Variants in HJV observed in about 807,000 individuals in gnomAD.
The protein encoded by HJV is hemojuvelin.
In HJV, 18 loss-of-function variants were observed where a neutral mutation model predicts 22.7. The ratio of observed to expected loss-of-function variants is 0.79; its 90% CI spans 0.55 to 1.18. The LOEUF is 1.18. Ranked by LOEUF, HJV falls within the 50% of genes most tolerant of loss-of-function variation. The pLI is 0.00. For missense variants in HJV, 572 were observed against 553.0 expected (o/e 1.03, Z -0.34); for synonymous variants, 229 against 222.7 (o/e 1.03, Z -0.25).
Position 146,019,267 on chromosome 1 carries a change from C to T in HJV, c.565G>A (p.Gly189Arg). The T allele has an allele frequency of 6.2e-7, 1 of 1,613,992 alleles. No individual in the cohort carries two copies. Among genetic ancestry groups the T allele is most frequent in the Non-Finnish European group, 8.5e-7 (1 of 1,180,048 alleles). ...TCATTATCCAGTAGAGGCCAAGCTC[C>T]TTGGACACGGCATGTGTGAAAGTGA... ...HHHFHTCRVQ[G>R]AWPLLDNDFL... Residue 189 changes from glycine (G) to arginine (R), a missense_variant, in exon 3 of 4, where the codon GGA becomes AGA. Coordinates refer to ENST00000336751, the MANE Select transcript of HJV (RefSeq NM_213653.4).
chr1:146,018,748 T>TC, intron 3 of HJV, 48 bp from the exon 4 acceptor site: 31 of 1,594,922 alleles, frequency 1.9e-5, no homozygotes, highest in Non-Finnish European at 2.7e-5. Flanking sequence ...CAGTGCATCT[T>TC]CCCCCCAATC....
chr1:146,019,244 A>G lies in HJV; in HGVS notation c.588T>C (p.Asn196=), dbSNP rs1020058448. ...RVQGAWPLLD[N]DFLFVQATSS... ...TGGTGGCTTGGACAAAGAGGAAGTC[A>G]TTATCCAGTAGAGGCCAAGCTCCTT... is the stretch of plus-strand genomic sequence containing the variant. Residue 196 remains asparagine (N), a synonymous_variant, in exon 3 of 4, where the codon AAT becomes AAC. Coordinates refer to ENST00000336751, the MANE Select transcript of HJV (RefSeq NM_213653.4). 6.2e-7 allele frequency: 1 copy of G among 1,614,070 alleles called. No individual in the cohort carries two copies. The highest frequency in any genetic ancestry group is 8.5e-7 in the Non-Finnish European group (1 of 1,180,032).
At position 146,018,661 on chromosome 1, in the gene HJV, G is replaced by A; in HGVS notation, c.697C>T (p.Gln233Ter). The A allele has an allele frequency of 6.2e-7, 1 of 1,614,112 alleles. No homozygotes were observed. Residue 233 changes from glutamine to a stop codon, truncating the protein, a stop_gained, in exon 4 of 4, where the codon CAG becomes TAG. Coordinates refer to ENST00000336751, the MANE Select transcript of HJV (RefSeq NM_213653.4). LOFTEE classifies it high-confidence loss of function. ...TCCACCTCAGCCTGATACACCTTCTGATCAATGCATTCCTGCATGTTCTTA... is the reference window on the plus strand; with the variant it reads ...TCCACCTCAGCCTGATACACCTTCTAATCAATGCATTCCTGCATGTTCTTA... ...IFKNMQECID[Q>*]KVYQAEVDNL...
At position 146,020,255 on chromosome 1, in the gene HJV, G is replaced by C. The variant is rs1553769912; in HGVS notation, c.-24C>G. The C allele has an allele frequency of 6.6e-7, 1 of 1,504,170 alleles. No individual in the cohort carries two copies. Among genetic ancestry groups the C allele is most frequent in the Admixed American group, 1.7e-5 (1 of 59,876 alleles). 93.2% of individuals were successfully genotyped at this position (1,504,170 alleles called of 1,614,324 possible). A position where few individuals can be genotyped will look rare whatever the true frequency, so the allele number is the denominator to read the frequency against. On this transcript the variant is annotated 5_prime_UTR_variant, in exon 2 of 4. Coordinates refer to ENST00000336751, the MANE Select transcript of HJV (RefSeq NM_213653.4). ...ATACCTATCCAGCCAGGTTTCCCAGGCGCCGGTTCTTCCCAGCTGATGACC... is the reference window on the plus strand; with the variant it reads ...ATACCTATCCAGCCAGGTTTCCCAGCCGCCGGTTCTTCCCAGCTGATGACC...
chr1:146,021,616 A>C lies in HJV; in HGVS notation c.-119T>G, dbSNP rs1652744436. ...TCCAGAGGTCAAACATTACTCTGCT[A>C]TCCAATTCTCCAGCCATGATTCCCT... On this transcript the variant is annotated 5_prime_UTR_variant, in exon 1 of 4. Coordinates refer to ENST00000336751, the MANE Select transcript of HJV (RefSeq NM_213653.4). 6.6e-6 allele frequency: 1 copy of C among 152,654 alleles called. No homozygotes were observed. Among genetic ancestry groups the C allele is most frequent in the Admixed American group, 6.5e-5 (1 of 15,278 alleles). The allele number at this position is 152,654 out of a possible 1,614,324, so 9.5% of individuals were successfully genotyped here.
At position 146,017,795 on chromosome 1, in the gene HJV, G is replaced by A. The variant is rs1553769279; in HGVS notation, c.*282C>T. The A allele has an allele frequency of 2.2e-4, 94 of 423,036 alleles. No homozygotes were observed. Among genetic ancestry groups the A allele is most frequent in the Non-Finnish European group, 8.9e-6 (2 of 223,566 alleles). The allele number at this position is 423,036 out of a possible 1,614,324, so 26.2% of individuals were successfully genotyped here. ...ACCTTCATGACCTCTAAACTTATAA[G>A]GGTGAAATCTGCAGTAAATGGATTA... is the stretch of plus-strand genomic sequence containing the variant. On this transcript the variant is annotated 3_prime_UTR_variant, in exon 4 of 4. Coordinates refer to ENST00000336751, the MANE Select transcript of HJV (RefSeq NM_213653.4).
Position 146,018,225 on chromosome 1 carries a change from T to C in HJV, c.1133A>G (p.Gln378Arg). Residue 378 changes from glutamine (Q) to arginine (R), a missense_variant, in exon 4 of 4, where the codon CAG becomes CGG. By Grantham distance (43) the Gln-to-Arg change is conservative. Transcript: ENST00000336751. ...SGDPNFTVAA[Q>R]AALEDARAFL... ...GGCTCGGGCATCCTCCAGTGCTGCCTGAGCTGCCACGGTAAAGTTGGGATC... is the reference window on the plus strand; with the variant it reads ...GGCTCGGGCATCCTCCAGTGCTGCCCGAGCTGCCACGGTAAAGTTGGGATC... 3 of 1,614,154 alleles carry C rather than the reference T, an allele frequency of 1.9e-6. No individual in the cohort carries two copies. The highest frequency in any genetic ancestry group is 2.5e-6 in the Non-Finnish European group (3 of 1,179,988).
chr1:146,017,955 G>A lies in HJV; in HGVS notation c.*122C>T. On this transcript the variant is annotated 3_prime_UTR_variant, in exon 4 of 4. Transcript: ENST00000336751. ...CTGGACTGCAGCCTCATCTGACTCT[G>A]GATAATGTCATTGTTTCACGTGTCT... is the stretch of plus-strand genomic sequence containing the variant. 9.0e-7 allele frequency: 1 copy of A among 1,112,092 alleles called. No individual in the cohort carries two copies. 68.9% of individuals were successfully genotyped at this position (1,112,092 alleles called of 1,614,324 possible). A position where few individuals can be genotyped will look rare whatever the true frequency, so the allele number is the denominator to read the frequency against.
rs782480409 is a variant in HJV at position 146,019,546 on chromosome 1, T to A, written c.286A>T (p.Thr96Ser). ...YALCTRRTAR[T>S]CRGDLAFHSA... is the part of the protein sequence containing the mutation. ...TGGAAGGCGAGGTCCCCGCGGCAGG[T>A]GCGGGCGGTGCGCCGAGTGCAGAGC... The change falls in exon 3 of 4, where the codon ACC becomes TCC. Residue 96 changes from threonine (T) to serine (S), a missense_variant. Transcript: ENST00000336751. 2.5e-6 allele frequency: 4 copies of A among 1,612,230 alleles called. No homozygotes were observed. Among genetic ancestry groups the A allele is most frequent in the Non-Finnish European group, 3.4e-6 (4 of 1,179,872 alleles).
chr1:146,020,817 G>A (rs782254169), intron 1 of HJV, among the ~76,000 whole-genome samples: 13 of 152,138 alleles, frequency 8.5e-5, no homozygotes, highest in Admixed American at 2.6e-4. Flanking sequence ...TACCCATCCC[G>A]TCTAGAATAT....
Position 146,018,506 on chromosome 1 carries a change from A to G in HJV, c.852T>C (p.Thr284=). The stretch of plus-strand genomic sequence containing the variant: ...GCCCAGCTGTCTGCCGAATGATTAT[A>G]GTTGTGCCAATGTAGGCAGCTTGGA... The part of the protein sequence containing the change: ...VEIQAAYIGT[T]IIIRQTAGQL... The change falls in exon 4 of 4, where the codon ACT becomes ACC. Residue 284 remains threonine (T), a synonymous_variant. Transcript: ENST00000336751. The G allele has an allele frequency of 6.2e-7, 1 of 1,614,170 alleles. No homozygotes were observed. The highest frequency in any genetic ancestry group is 8.5e-7 in the Non-Finnish European group (1 of 1,180,010).
Position 146,019,510 on chromosome 1 carries a change from G to C in HJV, c.322C>G (p.His108Asp). 1 of 1,613,012 alleles carries C rather than the reference G, an allele frequency of 6.2e-7. No homozygotes were observed. The highest frequency in any genetic ancestry group is 8.5e-7 in the Non-Finnish European group (1 of 1,179,936). The change falls in exon 3 of 4, where the codon CAT (histidine) becomes GAT (aspartate). Residue 108 changes from histidine to aspartate, a missense_variant. Coordinates refer to ENST00000336751, the MANE Select transcript of HJV (RefSeq NM_213653.4). ...TGGATCATCAGGTCTTCGATGCCAT[G>C]TACCGCCGAATGGAAGGCGAGGTCC... ...RGDLAFHSAV[H>D]GIEDLMIQHN...
chr1:146,019,056 A>G, intron 3 of HJV, 119 bp downstream of exon 3: 1 of 896,090 alleles, frequency 1.1e-6, no homozygotes, highest in South Asian at 1.3e-5. Flanking sequence ...GAGATGGGGG[A>G]GAGGTTGAGG....
At position 146,019,590 on chromosome 1, in the gene HJV, C is replaced by A. The variant is rs782121676; in HGVS notation, c.242G>T (p.Arg81Leu). The A allele has an allele frequency of 3.5e-5, 57 of 1,613,460 alleles. No individual in the cohort carries two copies. Among genetic ancestry groups the A allele is most frequent in the South Asian group, 7.7e-5 (7 of 91,080 alleles). ...GGGVGSGGLC[R>L]ALRSYALCTR... ...GCAGAGCGCATAGGAGCGGAGGGCT[C>A]GACAGAGGCCGCCAGAGCCCACCCC... The change falls in exon 3 of 4, where the codon CGA becomes CTA. Residue 81 changes from arginine to leucine, a missense_variant. Coordinates refer to ENST00000336751, the MANE Select transcript of HJV (RefSeq NM_213653.4).
At chr1:146,020,574 CTG>C (rs2101987131) in intron 1 of HJV, among the ~76,000 whole-genome samples, 1 of 152,234 alleles carries the variant, frequency 6.6e-6, no homozygotes, top group South Asian at 2.1e-4. Flanking sequence ...GCAGAGTCCA[CTG>C]TATTGCTCCA....
Position 146,018,379 on chromosome 1 carries a change from G to A in HJV, c.979C>T (p.Leu327Phe). ...CVGGCPPSQR[L>F]SRSERNRRGA... Reference sequence around the variant, plus strand: ...CGACGATTGCGCTCTGATCGAGAGAGTCGCTGACTTGGAGGGCACCCCCCA... The same window carrying A: ...CGACGATTGCGCTCTGATCGAGAGAATCGCTGACTTGGAGGGCACCCCCCA... Residue 327 changes from leucine to phenylalanine, a missense_variant, in exon 4 of 4, where the codon CTC (leucine) becomes TTC (phenylalanine). By Grantham distance (22) the Leu-to-Phe change is conservative (BLOSUM62 0). Transcript: ENST00000336751. The A allele has an allele frequency of 6.2e-7, 1 of 1,614,194 alleles. No individual in the cohort carries two copies. Among genetic ancestry groups the A allele is most frequent in the African/African-American group, 1.3e-5 (1 of 75,064 alleles).
Position 146,018,491 on chromosome 1 carries a change from C to T in HJV, c.867G>A (p.Gln289=), listed in dbSNP as rs1652483924. The change falls in exon 4 of 4, where the codon CAG becomes CAA. Residue 289 remains glutamine, a synonymous_variant. Coordinates refer to ENST00000336751, the MANE Select transcript of HJV (RefSeq NM_213653.4). ...AYIGTTIIIR[Q]TAGQLSFSIK... ...TGGAGAAGGAGAGCTGCCCAGCTGT[C>T]TGCCGAATGATTATAGTTGTGCCAA... 1 of 1,614,084 alleles carries T rather than the reference C, an allele frequency of 6.2e-7. No individual in the cohort carries two copies. The highest frequency in any genetic ancestry group is 8.5e-7 in the Non-Finnish European group (1 of 1,180,044).
At chr1:146,019,051 G>C (rs1652530843) in intron 3 of HJV, 124 bp downstream of exon 3, 2 of 881,944 alleles carry the variant, frequency 2.3e-6, no homozygotes, top group South Asian at 1.3e-5. Flanking sequence ...GATTCGAGAT[G>C]GGGGAGAGGT....
Position 146,019,349 on chromosome 1 carries a change from G to A in HJV, c.483C>T (p.Pro161=), listed in dbSNP as rs782233733. 2 of 1,613,856 alleles carry A rather than the reference G, an allele frequency of 1.2e-6. No individual in the cohort carries two copies. The highest frequency in any genetic ancestry group is 1.3e-5 in the African/African-American group (1 of 75,078). ...AGGAAGCGCAATGCAAGAACCCCGG[G>A]GGACGACCATGCAGCCGGGAAAACC... ...EGRFSRLHGR[P]PGFLHCASFG... is the part of the protein sequence containing the mutation. The change falls in exon 3 of 4, where the codon CCC becomes CCT. Residue 161 remains proline (P), a synonymous_variant. Coordinates refer to ENST00000336751, the MANE Select transcript of HJV (RefSeq NM_213653.4).
Sources: gnomAD v4.1 joint callset for allele counts (sites outside exome capture counted in the v4.1 genomes callset) on GRCh38, gnomAD v4.1.1 for gene constraint, MANE v1.5 for transcripts, NCBI Gene and HGNC (gene_info 2026-07-23, HGNC 2026-07-21) for gene names.